RDH13: variants seen among roughly 807,000 people sequenced by gnomAD.
RDH13 encodes retinol dehydrogenase 13 (all-trans and 9-cis).
RDH13 carries 35 observed loss-of-function variants against 28.3 expected under a neutral mutation model. The ratio of observed to expected loss-of-function variants is 1.24; its 90% CI spans 0.95 to 1.64. The LOEUF (loss-of-function observed/expected upper bound fraction) is 1.64. Ranked by LOEUF, RDH13 falls within the 40% of genes most tolerant of loss-of-function variation. The pLI, the probability that RDH13 is intolerant of heterozygous loss-of-function variation, is 0.00. For missense variants in RDH13, 514 were observed against 446.3 expected (o/e 1.15, Z -1.37); for synonymous variants, 229 against 198.5 (o/e 1.15, Z -1.29).
intron 6 of RDH13, 31 bp downstream of exon 6, chr19:55,047,356 C>G (rs763174484): frequency 6.2e-7 from 1 of 1,603,154 alleles, no homozygotes; most frequent in African/African-American, 1.3e-5. Flanking sequence ...GAGGGCTCCA[C>G]GTGGAGACCC....
chr19:55,045,574 C>T (rs183677320), intron 6 of RDH13, among the ~76,000 whole-genome samples: 4 of 152,344 alleles, frequency 2.6e-5, no homozygotes, highest in Admixed American at 2.0e-4. Flanking sequence ...TCCTCTTGGT[C>T]AGCCCCAGTC....
chr19:55,066,464 C>CT (rs1568749734), upstream of RDH13, among the ~76,000 whole-genome samples: 5 of 92,682 alleles, frequency 5.4e-5, no homozygotes, highest in Non-Finnish European at 7.3e-5. Flanking sequence ...CCTCTCTCTT[C>CT]CTCTCTCTCT....
At chr19:55,042,217 G>A (rs1319975466), downstream of RDH13, 2 of 150,850 alleles carry the variant, frequency 1.3e-5, no homozygotes, top group Admixed American at 1.3e-4. Flanking sequence ...AAACTCAAAC[G>A]CTAGGAGGGC....
At chr19:55,061,973 C>G (rs1370940502) in intron 1 of RDH13, among the ~76,000 whole-genome samples, 1 of 152,036 alleles carries the variant, frequency 6.6e-6, no homozygotes, top group East Asian at 1.9e-4. Context: ...CAAAATTAGA[C>G]AGGCGTGGTG....
At position 55,059,209 on chromosome 19, in the gene RDH13, C is replaced by G. The variant is rs770407762; in HGVS notation, c.132G>C (p.Thr44=). ...GCTTCCCGATGCCTGTGTTGGCACC[C>G]GTCACGATGACCGTCTTCCCAGGGA... is the stretch of plus-strand genomic sequence containing the variant. ...ATIPGKTVIV[T]GANTGIGKQT... is the part of the protein sequence containing the mutation. The change falls in exon 2 of 7, where the codon ACG becomes ACC. Residue 44 remains threonine (T), a synonymous_variant. Transcript: ENST00000415061. 1.9e-6 allele frequency: 3 copies of G among 1,604,830 alleles called. No individual in the cohort carries two copies. Among genetic ancestry groups the G allele is most frequent in the East Asian group, 2.2e-5 (1 of 44,486 alleles).
At chr19:55,048,054 G>A (rs1393499123) in intron 5 of RDH13, 1 of 1,470,770 alleles carries the variant, frequency 6.8e-7, no homozygotes, top group Non-Finnish European at 9.0e-7. Flanking sequence ...ACTGGCTGGA[G>A]CCAAAAGGCT....
chr19:55,056,603 T>C (rs2075641496), intron 3 of RDH13, 50 bp downstream of exon 3: 1 of 1,594,338 alleles, frequency 6.3e-7, no homozygotes, highest in South Asian at 1.1e-5. Flanking sequence ...AGCCTGGCCC[T>C]GGGAGCCGCC....
At position 55,059,286 on chromosome 19, in the gene RDH13, G is replaced by A; in HGVS notation, c.66-11C>T. 6.4e-7 allele frequency: 1 copy of A among 1,555,544 alleles called. No homozygotes were observed. The highest frequency in any genetic ancestry group is 8.8e-7 in the Non-Finnish European group (1 of 1,142,698). On this transcript the variant is annotated splice_polypyrimidine_tract_variant and intron_variant, in intron 1 of 6. Transcript: ENST00000415061. ...CCGGTGACATAGTCCCTGAGGGTGA[G>A]AAGCGGCACGGTCAGTCCTGTGGGC...
rs1264367119 is a variant in RDH13, at chr19:55,056,910, A to T, written c.185-102T>A. 4.9e-6 allele frequency: 5 copies of T among 1,015,100 alleles called. No homozygotes were observed. In the East Asian group the frequency reaches 1.3e-4, roughly 27 times the overall value. 62.9% of individuals were successfully genotyped at this position (1,015,100 alleles called of 1,614,324 possible). On this transcript the variant is annotated intron_variant, in intron 2 of 6. Transcript: ENST00000415061. The stretch of plus-strand genomic sequence containing the variant: ...CGTCTACACAAAAACACATCCACCA[A>T]TGTTCACTGCGGCATTCTTCACAAA...
At chr19:55,047,529 C>A in intron 5 of RDH13, 41 bp from the exon 6 acceptor site, 2 of 1,568,514 alleles carry the variant, frequency 1.3e-6, no homozygotes, top group Admixed American at 1.8e-5. Flanking sequence ...AGGGGTCCAG[C>A]CTCACCTGGG....
At chr19:55,057,107 C>T (rs565283603) in intron 2 of RDH13, among the ~76,000 whole-genome samples, 5 of 152,098 alleles carry the variant, frequency 3.3e-5, no homozygotes, top group East Asian at 3.8e-4. Flanking sequence ...AAACCAGACA[C>T]GAAAGACCAC....
downstream of RDH13, chr19:55,040,945 G>A (rs2075011772): frequency 6.6e-6 from 1 of 152,234 alleles, no homozygotes; most frequent in African/African-American, 2.4e-5. Flanking sequence ...TGACCAACAT[G>A]GAGAAACGCC....
chr19:55,065,320 G>A (rs1268647997), upstream of RDH13, among the ~76,000 whole-genome samples: 2 of 151,566 alleles, frequency 1.3e-5, no homozygotes, highest in Non-Finnish European at 2.9e-5. Context: ...GGAGGTCAAG[G>A]CTATGATGAG....
chr19:55,059,620 G>A (rs1671178), intron 1 of RDH13, among the ~76,000 whole-genome samples: 8,934 of 151,494 alleles, frequency 0.059, 530 homozygotes, highest in African/African-American at 0.15. Flanking sequence ...TTGAGGTCAG[G>A]AGTTCGAGTC....
At chr19:55,066,463 TC>T (rs2075961613), upstream of RDH13, among the ~76,000 whole-genome samples, 1 of 85,628 alleles carries the variant, frequency 1.2e-5, no homozygotes, top group Admixed American at 1.3e-4. Context: ...CCCTCTCTCT[TC>T]CTCTCTCTCT....
rs2075297198 is a variant in RDH13 at position 55,048,102 on chromosome 19, A to T, written c.658+227T>A. On this transcript the variant is annotated intron_variant, in intron 5 of 6. Coordinates refer to ENST00000415061, the MANE Select transcript of RDH13 (RefSeq NM_001145971.2). ...CAACAGCAGCAGGGAAGGACATCTGATCCAGGCAGACTAGACCACCTGGGA... is the reference window on the plus strand; with the variant it reads ...CAACAGCAGCAGGGAAGGACATCTGTTCCAGGCAGACTAGACCACCTGGGA... 2.6e-6 allele frequency: 4 copies of T among 1,518,166 alleles called. 1 individual carries two copies. In the East Asian group the frequency reaches 9.9e-5, roughly 37 times the overall value. 94.0% of individuals were successfully genotyped at this position (1,518,166 alleles called of 1,614,324 possible).
chr19:55,047,066 C>G (rs1010584194), intron 6 of RDH13: 2 of 1,181,046 alleles, frequency 1.7e-6, no homozygotes, highest in Non-Finnish European at 2.2e-6. Context: ...CAGCTCTTCC[C>G]CAGGAGGTGC....
intron 1 of RDH13, among the ~76,000 whole-genome samples, chr19:55,060,783 G>A (rs1433685706): frequency 1.3e-5 from 2 of 152,114 alleles, no homozygotes; most frequent in African/African-American, 2.4e-5. Flanking sequence ...GCAGTGAGTC[G>A]AAATGGTGCC....
At chr19:55,065,900 T>C (rs565075030), upstream of RDH13, among the ~76,000 whole-genome samples, 16 of 152,284 alleles carry the variant, frequency 1.1e-4, no homozygotes, top group East Asian at 2.5e-3. Context: ...GTATTTTTAG[T>C]AGAGACGGGG....
Sources: allele counts gnomAD v4.1 joint callset (sites outside exome capture counted in the v4.1 genomes callset), GRCh38; gene constraint gnomAD v4.1.1; transcripts MANE v1.5; gene names NCBI Gene and HGNC (gene_info 2026-07-23, HGNC 2026-07-21).